TARBP1: variants seen among roughly 807,000 people sequenced by gnomAD.
TARBP1 encodes the protein tRNA (guanosine(18)-2'-O)-methyltransferase TARBP1.
In TARBP1, 144 loss-of-function variants were observed where a neutral mutation model predicts 178.6. That is an observed-to-expected ratio of 0.81 (90% CI 0.70 to 0.93). The LOEUF (loss-of-function observed/expected upper bound fraction) is 0.93, where lower values mean the gene tolerates loss of function less well. TARBP1 is among the 40% of genes least tolerant of loss of function. TARBP1 has a pLI of 0.00. For missense variants in TARBP1, 2,067 were observed against 2,011.7 expected, an observed-to-expected ratio of 1.03 and a Z score of -0.53; for synonymous variants, 787 against 781.0, an observed-to-expected ratio of 1.01 and a Z score of -0.13.
intron 19 of TARBP1, among the ~76,000 whole-genome samples, chr1:234,426,928 C>T (rs1176373971): frequency 1.3e-5 from 2 of 152,004 alleles, no homozygotes; most frequent in Non-Finnish European, 2.9e-5. Context: ...GTGTAACATA[C>T]CAACTTGTTA....
chr1:234,474,262 ACACACACACACACACACAC>A (rs1349036935), intron 1 of TARBP1, among the ~76,000 whole-genome samples: 2 of 150,308 alleles, frequency 1.3e-5, no homozygotes, highest in Non-Finnish European at 3.0e-5. Context: ...ACACACACAC[ACACACACACACACACACAC>A]ACACACAAAG....
intron 22 of TARBP1, among the ~76,000 whole-genome samples, chr1:234,414,713 G>A (rs954906366): frequency 6.6e-6 from 1 of 152,104 alleles, no homozygotes; most frequent in Non-Finnish European, 1.5e-5. Flanking sequence ...GGCTGGGCGC[G>A]GTGGCTCATG....
At position 234,393,790 on chromosome 1, in the gene TARBP1, G is replaced by C; in HGVS notation, c.4291C>G (p.Gln1431Glu). The change falls in exon 27 of 30, where the codon CAG (glutamine) becomes GAG (glutamate). Residue 1431 changes from glutamine to glutamate, a missense_variant. Gln to Glu is a conservative substitution (Grantham distance 29). Transcript: ENST00000040877. ...ADNQAEWTDV[Q>E]KKIIPWNSRV... Reference sequence around the variant, plus strand: ...CTGTTCCACGGGATAATCTTCTTCTGAACGTCGGTCCACTCCGCTTGGTTA... The same window carrying C: ...CTGTTCCACGGGATAATCTTCTTCTCAACGTCGGTCCACTCCGCTTGGTTA... The C allele has an allele frequency of 6.2e-7, 1 of 1,613,812 alleles. No homozygotes were observed. The highest frequency in any genetic ancestry group is 2.2e-5 in the East Asian group (1 of 44,890).
chr1:234,415,438 A>C (rs891773178), intron 22 of TARBP1, among the ~76,000 whole-genome samples: 1 of 152,218 alleles, frequency 6.6e-6, no homozygotes, highest in African/African-American at 2.4e-5. Flanking sequence ...TTTGCTTTGA[A>C]TAAAGGAGGA....
rs2103331170 is a variant in TARBP1, at chr1:234,478,595, A to G, written c.509T>C (p.Leu170Pro). 1.5e-6 allele frequency: 2 copies of G among 1,296,158 alleles called. No individual in the cohort carries two copies. The highest frequency in any genetic ancestry group is 2.0e-6 in the Non-Finnish European group (2 of 1,024,342). The allele number at this position is 1,296,158 out of a possible 1,614,324, so 80.3% of individuals were successfully genotyped here. A position where few individuals can be genotyped will look rare whatever the true frequency, so the allele number is the denominator to read the frequency against. ...CCCGTCCCCGCCCCCGCCCAGCGCCAGGGCGACGGCGGTCCCCGCCACGCG... is the reference window on the plus strand; with the variant it reads ...CCCGTCCCCGCCCCCGCCCAGCGCCGGGGCGACGGCGGTCCCCGCCACGCG... ...LERVAGTAVA[L>P]ALGGGGDGDE... The change falls in exon 1 of 30, where the codon CTG (leucine) becomes CCG (proline). Residue 170 changes from leucine to proline, a missense_variant. Physicochemically the swap from Leu to Pro is moderately conservative, Grantham distance 98. Transcript: ENST00000040877.
intron 1 of TARBP1, among the ~76,000 whole-genome samples, chr1:234,477,635 G>A (rs1669689216): frequency 1.3e-5 from 2 of 152,184 alleles, no homozygotes; most frequent in Non-Finnish European, 2.9e-5. Flanking sequence ...TAAATCAATG[G>A]CAAAAATACA....
intron 1 of TARBP1, among the ~76,000 whole-genome samples, chr1:234,477,146 T>C (rs1193604808): frequency 1.3e-5 from 2 of 152,186 alleles, no homozygotes; most frequent in Admixed American, 6.5e-5. Context: ...GATTGTGCCA[T>C]TGCATTCCAG....
intron 6 of TARBP1, among the ~76,000 whole-genome samples, chr1:234,461,268 T>C (rs1667828573): frequency 6.6e-6 from 1 of 152,234 alleles, no homozygotes; most frequent in Non-Finnish European, 1.5e-5. Context: ...GGGATTCTGA[T>C]ACCCATGAAG....
intron 17 of TARBP1, among the ~76,000 whole-genome samples, 174 bp downstream of exon 17, chr1:234,428,962 T>C (rs16843136): frequency 0.12 from 18,584 of 152,232 alleles, 1,477 homozygotes; most frequent in East Asian, 0.32. Flanking sequence ...CCTTCTCTTC[T>C]ACATCTGTCA....
intron 23 of TARBP1, 159 bp downstream of exon 23, chr1:234,410,286 G>C (rs1469507144): frequency 2.0e-6 from 1 of 505,728 alleles, no homozygotes; most frequent in Non-Finnish European, 3.6e-6. Flanking sequence ...CCCATTTACT[G>C]GGTATTTGTG....
chr1:234,432,166 G>A (rs1343869045), intron 14 of TARBP1, among the ~76,000 whole-genome samples: 1 of 150,150 alleles, frequency 6.7e-6, no homozygotes, highest in Admixed American at 6.6e-5. Context: ...TTGAGGCCAG[G>A]CACGGTGGCT....
intron 3 of TARBP1, 111 bp from the exon 4 acceptor site, chr1:234,467,761 T>C: frequency 9.0e-7 from 1 of 1,114,844 alleles, no homozygotes; most frequent in Non-Finnish European, 1.2e-6. Flanking sequence ...ATTATAACAC[T>C]ACAAGAAGTT....
chr1:234,469,496 G>C (rs921261061), intron 3 of TARBP1, among the ~76,000 whole-genome samples: 1 of 152,156 alleles, frequency 6.6e-6, no homozygotes, highest in African/African-American at 2.4e-5. Flanking sequence ...TCTAGCCCCA[G>C]GTGCAACTAC....
chr1:234,446,091 T>C (rs1262694481), intron 12 of TARBP1, among the ~76,000 whole-genome samples: 1 of 152,212 alleles, frequency 6.6e-6, no homozygotes, highest in Non-Finnish European at 1.5e-5. Flanking sequence ...TATAATCGTA[T>C]CAATTTTATT....
chr1:234,409,733 T>C (rs1242631795), intron 23 of TARBP1, among the ~76,000 whole-genome samples: 1 of 152,372 alleles, frequency 6.6e-6, no homozygotes, highest in South Asian at 2.1e-4. Flanking sequence ...TTTTCCCTTA[T>C]ATTTTTATGG....
intron 22 of TARBP1, among the ~76,000 whole-genome samples, chr1:234,417,128 C>G (rs572275987): frequency 3.9e-5 from 6 of 152,212 alleles, no homozygotes; most frequent in African/African-American, 1.2e-4. Flanking sequence ...AAGAGAAAGG[C>G]TGTCTGCAGC....
intron 23 of TARBP1, among the ~76,000 whole-genome samples, chr1:234,409,071 G>A (rs1037443944): frequency 1.3e-5 from 2 of 152,104 alleles, no homozygotes; most frequent in Admixed American, 1.3e-4. Context: ...CATTTATCTA[G>A]GTAACAACGG....
At chr1:234,435,824 C>T (rs1370987434) in intron 13 of TARBP1, among the ~76,000 whole-genome samples, 5 of 152,168 alleles carry the variant, frequency 3.3e-5, no homozygotes, top group Non-Finnish European at 7.4e-5. Flanking sequence ...GACCGAAGAT[C>T]ATATCTCTTT....
chr1:234,442,662 T>C (rs962716733), intron 12 of TARBP1, among the ~76,000 whole-genome samples: 1 of 152,236 alleles, frequency 6.6e-6, no homozygotes, highest in Admixed American at 6.5e-5. Flanking sequence ...CCTATATATA[T>C]AGTCAACTCC....
Sources: allele counts gnomAD v4.1 joint callset (sites outside exome capture counted in the v4.1 genomes callset), GRCh38; gene constraint gnomAD v4.1.1; transcripts MANE v1.5; gene names NCBI Gene and HGNC (gene_info 2026-07-23, HGNC 2026-07-21).